The following N4BP1 variants were observed in gnomAD, a reference collection of about 807,000 sequenced individuals.
The protein encoded by N4BP1 is NEDD4 binding protein 1, also known as NEDD4-binding protein 1.
N4BP1 carries 21 observed loss-of-function variants against 70.9 expected under a neutral mutation model. That is an observed-to-expected ratio of 0.30 (90% CI 0.21 to 0.43). N4BP1 has a LOEUF of 0.43. N4BP1 is among the 20% of genes least tolerant of loss of function. The pLI is 1.00. For synonymous variants in N4BP1, 387 were observed against 394.6 expected (o/e 0.98, Z 0.23); for missense variants, 936 against 1,069.4 (o/e 0.88, Z 1.74).
At chr16:48,576,830 A>C (rs908406687) in intron 1 of N4BP1, among the ~76,000 whole-genome samples, 1 of 152,148 alleles carries the variant, frequency 6.6e-6, no homozygotes, top group Non-Finnish European at 1.5e-5. Flanking sequence ...TGGATTTCCC[A>C]CATCCTACAG....
rs149851812 is a variant in N4BP1 at position 48,600,448 on chromosome 16, T to C, written c.198+9327A>G. The C allele has an allele frequency of 1.7e-3, 1,087 of 638,800 alleles. 2 individuals are homozygous for C. The highest frequency in any genetic ancestry group is 2.3e-3 in the Non-Finnish European group (773 of 341,014). 39.6% of individuals were successfully genotyped at this position (638,800 alleles called of 1,614,324 possible). A position where few individuals can be genotyped will look rare whatever the true frequency, so the allele number is the denominator to read the frequency against. On this transcript the variant is annotated intron_variant, in intron 1 of 6. Coordinates refer to ENST00000262384, the MANE Select transcript of N4BP1 (RefSeq NM_153029.4). ...AAAACTACTGAAGCAATGAAGACAGTTGAAGAGATCAAACAGAAACGCCAA... is the reference window on the plus strand; with the variant it reads ...AAAACTACTGAAGCAATGAAGACAGCTGAAGAGATCAAACAGAAACGCCAA...
intron 2 of N4BP1, among the ~76,000 whole-genome samples, chr16:48,555,760 C>T (rs1161901623): frequency 2.0e-5 from 3 of 152,320 alleles, no homozygotes; most frequent in East Asian, 1.9e-4. Flanking sequence ...TTAACATCAA[C>T]CACAGCCCTA....
Position 48,542,095 on chromosome 16 carries a change from C to T in N4BP1, c.*809G>A, listed in dbSNP as rs1780182131. ...AGCCAGGCCAGGCATGTGGAGGCCC[C>T]TGACTGTGGGCGTGTCAAGCCCTGG... On this transcript the variant is annotated 3_prime_UTR_variant, in exon 7 of 7. Transcript: ENST00000262384. The T allele has an allele frequency of 3.3e-5, 5 of 152,478 alleles. No homozygotes were observed. Among genetic ancestry groups the T allele is most frequent in the Non-Finnish European group, 7.3e-5 (5 of 68,076 alleles). The allele number at this position is 152,478 out of a possible 1,614,324, so 9.4% of individuals were successfully genotyped here. A position where few individuals can be genotyped will look rare whatever the true frequency, so the allele number is the denominator to read the frequency against.
chr16:48,606,129 A>C (rs1216791371), intron 1 of N4BP1, among the ~76,000 whole-genome samples: 2 of 152,160 alleles, frequency 1.3e-5, no homozygotes, highest in Non-Finnish European at 2.9e-5. Context: ...GCACCAGAGA[A>C]GTCTTCCTTA....
At position 48,586,484 on chromosome 16, in the gene N4BP1, C is replaced by T. The variant is rs115072309; in HGVS notation, c.198+23291G>A. Among the ~76,000 whole-genome samples, 1,291 of 152,258 alleles carry T rather than the reference C, an allele frequency of 8.5e-3. 14 individuals are homozygous for T. The highest frequency in any genetic ancestry group is 0.03 in the African/African-American group (1,232 of 41,536). ...TCTGATTTTTTTTTCACCGTAACTACACGATTAGTTTACCCTTGTCTATAA... is the reference window on the plus strand; with the variant it reads ...TCTGATTTTTTTTTCACCGTAACTATACGATTAGTTTACCCTTGTCTATAA... On this transcript the variant is annotated intron_variant, in intron 1 of 6. Coordinates refer to ENST00000262384, the MANE Select transcript of N4BP1 (RefSeq NM_153029.4).
intron 1 of N4BP1, chr16:48,600,293 C>G (rs569392676): frequency 1.8e-6 from 2 of 1,129,084 alleles, no homozygotes; most frequent in East Asian, 4.7e-5. Context: ...AAAAGAAGCA[C>G]AATCCTTGCA....
chr16:48,562,900 T>C (rs1004301647), intron 1 of N4BP1, among the ~76,000 whole-genome samples: 2 of 152,182 alleles, frequency 1.3e-5, no homozygotes, highest in African/African-American at 4.8e-5. Context: ...TCCAGATTTC[T>C]TGAAGGTATA....
rs1236278165 is a variant in N4BP1, at chr16:48,543,209, T to C, written c.2386A>G (p.Ser796Gly). ...ALPNVGMFDPSFRVPGTQAAS... is the reference protein window; with the variant it reads ...ALPNVGMFDPGFRVPGTQAAS... ...GCCTGGGTGCCAGGGACTCTGAAGC[T>C]GGGGTCAAACATGCCCACATTTGGC... The change falls in exon 7 of 7, where the codon AGC (serine) becomes GGC (glycine). Residue 796 changes from serine to glycine, a missense_variant. Ser to Gly is a moderately conservative substitution (Grantham distance 56, BLOSUM62 0). Around this residue, in one of 4 missense-constraint regions of N4BP1, gnomAD observed 229 missense variants for 343.5 expected, o/e 0.67. Transcript: ENST00000262384. 1 of 1,569,498 alleles carries C rather than the reference T, an allele frequency of 6.4e-7. No individual in the cohort carries two copies. The highest frequency in any genetic ancestry group is 2.3e-5 in the East Asian group (1 of 44,358).
chr16:48,556,561 G>A (rs74017995), intron 2 of N4BP1, among the ~76,000 whole-genome samples: 12,916 of 152,266 alleles, frequency 0.085, 655 homozygotes, highest in African/African-American at 0.13. Context: ...TGGGAGGCCA[G>A]GTGTCCAGGC....
At chr16:48,573,629 A>G (rs1964053749) in intron 1 of N4BP1, among the ~76,000 whole-genome samples, 2 of 152,152 alleles carry the variant, frequency 1.3e-5, no homozygotes, top group South Asian at 4.1e-4. Context: ...AACCCCAGCA[A>G]TATAGTTGAC....
rs1963507814 is a variant in N4BP1 at position 48,542,062 on chromosome 16, ACTTCCAGAG to A, written c.*833_*841del. The A allele has an allele frequency of 6.6e-6, 1 of 152,564 alleles. No homozygotes were observed. Among genetic ancestry groups the A allele is most frequent in the Non-Finnish European group, 1.5e-5 (1 of 68,044 alleles). 9.5% of individuals were successfully genotyped at this position (152,564 alleles called of 1,614,324 possible). ...TACGGTGTTCAGAAGCTAAGACGTG[ACTTCCAGAG>A]CCAGGCCAGGCATGTGGAGGCCCCT... is the stretch of plus-strand genomic sequence containing the variant. On this transcript the variant is annotated 3_prime_UTR_variant, in exon 7 of 7. Coordinates refer to ENST00000262384, the MANE Select transcript of N4BP1 (RefSeq NM_153029.4).
chr16:48,561,184 G>A lies in N4BP1; in HGVS notation c.1459C>T (p.Pro487Ser). The A allele has an allele frequency of 6.2e-7, 1 of 1,613,902 alleles. No individual in the cohort carries two copies. The highest frequency in any genetic ancestry group is 1.1e-5 in the South Asian group (1 of 91,074). Residue 487 changes from proline to serine, a missense_variant, in exon 2 of 7, where the codon CCT (proline) becomes TCT (serine). Coordinates refer to ENST00000262384, the MANE Select transcript of N4BP1 (RefSeq NM_153029.4). The stretch of plus-strand genomic sequence containing the variant: ...GAAGGTGAAAGGCCATCAGTTTCAG[G>A]GTCTGTGTTACAAATGTAGTTCTGG... ...SNQNYICNTD[P>S]ETDGLSPSVA...
rs185568100 is a variant in N4BP1 at position 48,557,192 on chromosome 16, G to A, written c.1890-3523C>T. Among the ~76,000 whole-genome samples the A allele has an allele frequency of 4.7e-4, 71 of 152,250 alleles. No homozygotes were observed. The East Asian group carries it at 0.013, about 27-fold the overall frequency. ...GAAGGGTGGGCCTAGGCTGCTTTAG[G>A]GTGGGGCTCACACCAACAGATCCTA... On this transcript the variant is annotated intron_variant, in intron 2 of 6. Coordinates refer to ENST00000262384, the MANE Select transcript of N4BP1 (RefSeq NM_153029.4).
chr16:48,582,473 C>T (rs986871839), intron 1 of N4BP1, among the ~76,000 whole-genome samples: 5 of 152,158 alleles, frequency 3.3e-5, no homozygotes, highest in African/African-American at 9.6e-5. Context: ...TACTTAATAA[C>T]GATCCCAAAA....
At chr16:48,565,003 G>C (rs1963918627) in intron 1 of N4BP1, among the ~76,000 whole-genome samples, 1 of 152,178 alleles carries the variant, frequency 6.6e-6, no homozygotes, top group Non-Finnish European at 1.5e-5. Context: ...ATTTCTGTAT[G>C]TTAATCATGT....
At chr16:48,546,561 GA>G (rs1208219430) in intron 5 of N4BP1, 1 of 222,408 alleles carries the variant, frequency 4.5e-6, no homozygotes, top group African/African-American at 2.3e-5. Context: ...ATATAACTTT[GA>G]AAAATAAGAT....
At chr16:48,571,213 G>A (rs553220779) in intron 1 of N4BP1, among the ~76,000 whole-genome samples, 1 of 152,208 alleles carries the variant, frequency 6.6e-6, no homozygotes, top group Admixed American at 6.5e-5. Context: ...TGAGATTACT[G>A]TGCAGACACT....
At chr16:48,597,526 G>A (rs1043163435) in intron 1 of N4BP1, among the ~76,000 whole-genome samples, 1 of 152,106 alleles carries the variant, frequency 6.6e-6, no homozygotes, top group African/African-American at 2.4e-5. Context: ...GAATTGCTTC[G>A]GATGTTTTTC....
intron 6 of N4BP1, among the ~76,000 whole-genome samples, chr16:48,543,796 C>G (rs1055895894): frequency 1.3e-5 from 2 of 152,196 alleles, no homozygotes; most frequent in African/African-American, 4.8e-5. Flanking sequence ...AAGCCTCCCA[C>G]TGGACTCGGC....
Sources: gnomAD v4.1 joint callset for allele counts (sites outside exome capture counted in the v4.1 genomes callset) on GRCh38, gnomAD v4.1.1 for gene constraint, gnomAD v4.1.1 regional missense constraint, MANE v1.5 for transcripts, NCBI Gene and HGNC (gene_info 2026-07-23, HGNC 2026-07-21) for gene names.